RIMBP2: variants seen among roughly 807,000 people sequenced by gnomAD.
RIMBP2 encodes the protein RIMS binding protein 2, also known as RIMS-binding protein 2.
A neutral mutation model predicts 118.6 loss-of-function variants in RIMBP2; 48 were observed. The observed-to-expected ratio is 0.40, with a 90% CI of 0.32 to 0.51. The LOEUF (loss-of-function observed/expected upper bound fraction) is 0.51, where lower values mean the gene tolerates loss of function less well. Ranked by LOEUF, RIMBP2 falls within the 20% of genes least tolerant of loss-of-function variation. The probability of loss-of-function intolerance (pLI) is 0.41; values close to 1 mark genes in which losing one functional copy is unlikely to be tolerated. For missense variants in RIMBP2, 1,551 were observed against 1,768.3 expected (o/e 0.88, Z 2.20); for synonymous variants, 762 against 742.9 (o/e 1.03, Z -0.42).
chr12:130,702,348 C>T (rs2065892717), intron 1 of RIMBP2, among the ~76,000 whole-genome samples: 1 of 152,016 alleles, frequency 6.6e-6, no homozygotes, highest in Non-Finnish European at 1.5e-5. Context: ...GAAACCCCAT[C>T]TTTACTAAAA....
intron 10 of RIMBP2, among the ~76,000 whole-genome samples, chr12:130,444,874 T>G (rs76870773): frequency 0.032 from 4,814 of 152,278 alleles, 262 homozygotes; most frequent in African/African-American, 0.11. Flanking sequence ...GTCAGTCCCA[T>G]GTGTCTGCAA....
chr12:130,438,335 A>ACGGGGGG, intron 12 of RIMBP2, 30 bp downstream of exon 12: 3 of 865,010 alleles, frequency 3.5e-6, no homozygotes, highest in Non-Finnish European at 3.8e-6. Flanking sequence ...GGCCTAACAA[A>ACGGGGGG]CCCTCCCCAC....
intron 21 of RIMBP2, among the ~76,000 whole-genome samples, chr12:130,400,030 G>C (rs766418922): frequency 6.6e-6 from 1 of 152,166 alleles, no homozygotes; most frequent in Non-Finnish European, 1.5e-5. Flanking sequence ...GATTTCTCCT[G>C]TTCAGTGAGG....
In RIMBP2 at chr12:130,424,410, G is replaced by C. The variant is rs544641588; in HGVS notation, c.2861C>G (p.Pro954Arg). The C allele has an allele frequency of 1.4e-5, 17 of 1,232,574 alleles. No homozygotes were observed. The highest frequency in any genetic ancestry group is 1.7e-5 in the Non-Finnish European group (17 of 988,196). 76.4% of individuals were successfully genotyped at this position (1,232,574 alleles called of 1,614,324 possible). Residue 954 changes from proline (P) to arginine (R), a missense_variant, in exon 16 of 23, where the codon CCG becomes CGG. Transcript: ENST00000690449. This position sits in a 1 kb window ranked among gnomAD's most constrained non-coding sequence, Gnocchi z 9.8. Reference protein sequence around the residue: ...GPGHCPCRRGPRPLLARRRTL... With the variant: ...GPGHCPCRRGRRPLLARRRTL... ...CCGCCGCCGGGCCAGCAGCGGCCTC[G>C]GGCCCCTCCTGCAGGGACAGTGACC... is the stretch of plus-strand genomic sequence containing the variant.
At chr12:130,512,570 G>A (rs775257627) in intron 3 of RIMBP2, among the ~76,000 whole-genome samples, 2 of 152,266 alleles carry the variant, frequency 1.3e-5, no homozygotes, top group East Asian at 1.9e-4. Flanking sequence ...TGATCCACCC[G>A]CCTTGGCCTC....
At position 130,420,762 on chromosome 12, in the gene RIMBP2, G is replaced by A. The variant is rs988176473; in HGVS notation, c.3238+1691C>T. 1.3e-5 allele frequency: 2 copies of A among 152,134 alleles called. No individual in the cohort carries two copies. The highest frequency in any genetic ancestry group is 4.8e-5 in the African/African-American group (2 of 41,418). The allele number at this position is 152,134 out of a possible 1,614,324, so 9.4% of individuals were successfully genotyped here. On this transcript the variant is annotated intron_variant, in intron 17 of 22. Transcript: ENST00000690449. This position sits in a 1 kb window ranked among gnomAD's most constrained non-coding sequence, Gnocchi z 4.3. ...TAGATTTAAACCAGACTCTGACAGCGAGGGTCACCCTGGCAAGACTGCAGG... is the reference window on the plus strand; with the variant it reads ...TAGATTTAAACCAGACTCTGACAGCAAGGGTCACCCTGGCAAGACTGCAGG...
rs576045656 is a variant in RIMBP2 at position 130,514,463 on chromosome 12, G to A, written c.-127+3365C>T. On this transcript the variant is annotated intron_variant, in intron 3 of 22. Coordinates refer to ENST00000690449, the MANE Select transcript of RIMBP2 (RefSeq NM_001393629.1). ...GAGCGCTGGGACCCCCACCTCCGCC[G>A]GCCCTTGCTGGCCTGGTCAATGCCT... 1.1e-4 allele frequency among the ~76,000 whole-genome samples: 16 copies of A among 152,340 alleles called. No individual in the cohort carries two copies. In the East Asian group the frequency reaches 3.1e-3, roughly 29 times the overall value.
intron 1 of RIMBP2, among the ~76,000 whole-genome samples, chr12:130,668,750 ACT>A (rs946981252): frequency 4.6e-5 from 7 of 151,694 alleles, no homozygotes; most frequent in African/African-American, 1.5e-4. Flanking sequence ...TAGCAGCTTA[ACT>A]CTTTCTCTCT....
chr12:130,685,509 G>C (rs992358193), intron 1 of RIMBP2, among the ~76,000 whole-genome samples: 3 of 152,176 alleles, frequency 2.0e-5, no homozygotes. Flanking sequence ...GCCTGACCCT[G>C]TGAGCATTTG....
Position 130,512,325 on chromosome 12 carries a change from C to CT in RIMBP2, c.-127+5502dup, listed in dbSNP as rs1378508984. Reference sequence around the variant, plus strand: ...AAGGTCTCTGCCTCAAAGTCCATTGCTTTCTTTTTTTTTTCTTGAGAGAGC... The same window carrying CT: ...AAGGTCTCTGCCTCAAAGTCCATTGCTTTTCTTTTTTTTTTCTTGAGAGAGC... On this transcript the variant is annotated intron_variant, in intron 3 of 22. Transcript: ENST00000690449. 5.6e-3 allele frequency among the ~76,000 whole-genome samples: 808 copies of CT among 145,040 alleles called. 12 individuals carry two copies. Among genetic ancestry groups the CT allele is most frequent in the African/African-American group, 0.02 (769 of 38,064 alleles).
chr12:130,620,317 C>T lies in RIMBP2; in HGVS notation c.-217+8005G>A, dbSNP rs981444945. Among the ~76,000 whole-genome samples, 8 of 151,820 alleles carry T rather than the reference C, an allele frequency of 5.3e-5. No individual in the cohort carries two copies. The highest frequency in any genetic ancestry group is 3.2e-3 in the Middle Eastern group (1 of 316). On this transcript the variant is annotated intron_variant, in intron 2 of 22. Coordinates refer to ENST00000690449, the MANE Select transcript of RIMBP2 (RefSeq NM_001393629.1). The surrounding 1 kb of genome is among the most constrained non-coding windows in gnomAD (Gnocchi z 5.3). Reference sequence around the variant, plus strand: ...GTCTCCCACTCCCTCCCACCCCAGGCGGGTCATCCTGCAGCTCTCCTCCTC... The same window carrying T: ...GTCTCCCACTCCCTCCCACCCCAGGTGGGTCATCCTGCAGCTCTCCTCCTC...
chr12:130,546,599 G>A (rs1159226815), intron 2 of RIMBP2, among the ~76,000 whole-genome samples: 1 of 152,128 alleles, frequency 6.6e-6, no homozygotes, highest in Non-Finnish European at 1.5e-5. Flanking sequence ...CCAGTCTACT[G>A]CTTATTTCTG....
intron 2 of RIMBP2, among the ~76,000 whole-genome samples, chr12:130,608,189 G>A (rs2060299925): frequency 6.6e-6 from 1 of 152,172 alleles, no homozygotes; most frequent in Non-Finnish European, 1.5e-5. Flanking sequence ...AAAACGCTTT[G>A]GTTTCTGTTG....
intron 2 of RIMBP2, among the ~76,000 whole-genome samples, chr12:130,614,477 G>A (rs912885655): frequency 3.9e-5 from 6 of 152,254 alleles, no homozygotes; most frequent in South Asian, 2.1e-4. Flanking sequence ...GCAATAGGCC[G>A]CTCCACACAG....
chr12:130,530,121 A>G (rs2053216649), intron 2 of RIMBP2, among the ~76,000 whole-genome samples: 1 of 152,198 alleles, frequency 6.6e-6, no homozygotes, highest in Non-Finnish European at 1.5e-5. Flanking sequence ...AAGGACATCC[A>G]TTCTTGGGAC....
chr12:130,676,595 C>G (rs1279824747), intron 1 of RIMBP2, among the ~76,000 whole-genome samples: 1 of 151,646 alleles, frequency 6.6e-6, no homozygotes, highest in East Asian at 1.9e-4. Flanking sequence ...TGAACTCCAG[C>G]CTGGGTGACA....
intron 2 of RIMBP2, among the ~76,000 whole-genome samples, chr12:130,611,967 A>G (rs1278140502): frequency 6.6e-6 from 1 of 152,202 alleles, no homozygotes; most frequent in Non-Finnish European, 1.5e-5. Flanking sequence ...AGCAGATACA[A>G]TGCATCCTCT....
intron 1 of RIMBP2, among the ~76,000 whole-genome samples, chr12:130,679,814 C>T (rs1052397073): frequency 3.3e-5 from 5 of 152,390 alleles, no homozygotes; most frequent in South Asian, 4.1e-4. Flanking sequence ...AGATGAATGT[C>T]CCTGTGTTCA....
chr12:130,425,008 C>T (rs1593248044), intron 15 of RIMBP2, 150 bp from the exon 16 acceptor site: 2 of 426,378 alleles, frequency 4.7e-6, no homozygotes, highest in South Asian at 1.3e-4. Context: ...CGGGGGCATG[C>T]CGTGGAGGGC....
Sources: gnomAD v4.1 joint callset for allele counts (sites outside exome capture counted in the v4.1 genomes callset) on GRCh38, gnomAD v4.1.1 for gene constraint, Gnocchi (gnomAD v3.1) non-coding constraint, MANE v1.5 for transcripts, NCBI Gene and HGNC (gene_info 2026-07-23, HGNC 2026-07-21) for gene names.